The following GTF3C1 variants were observed in gnomAD, a reference collection of about 807,000 sequenced individuals.
The protein encoded by GTF3C1 is general transcription factor IIIC subunit 1.
A neutral mutation model predicts 226.7 loss-of-function variants in GTF3C1; 57 were observed. The ratio of observed to expected loss-of-function variants is 0.25; its 90% confidence interval spans 0.20 to 0.31. The LOEUF (loss-of-function observed/expected upper bound fraction) is 0.31. Ranked by LOEUF, GTF3C1 falls within the 10% of genes least tolerant of loss-of-function variation. The pLI is 1.00. For missense variants in GTF3C1, 2,217 were observed against 2,776.1 expected (o/e 0.80, Z 4.53); for synonymous variants, 1,090 against 1,084.8 (o/e 1.00, Z -0.09).
rs184662463 is a variant in GTF3C1 at position 27,548,018 on chromosome 16, T to C, written c.221+1652A>G. On this transcript the variant is annotated intron_variant, in intron 1 of 36. Coordinates refer to ENST00000356183, the MANE Select transcript of GTF3C1 (RefSeq NM_001520.4). ...TTCCCTTGCTAGTTGACTTTTAGCA[T>C]GCCACTTGACCCCTCAGGGCCTCGA... 4.6e-5 allele frequency among the ~76,000 whole-genome samples: 7 copies of C among 152,334 alleles called. 1 individual carries two copies. The highest frequency in any genetic ancestry group is 1.7e-4 in the African/African-American group (7 of 41,562).
At chr16:27,531,558 T>C (rs1401237539) in intron 5 of GTF3C1, among the ~76,000 whole-genome samples, 1 of 152,272 alleles carries the variant, frequency 6.6e-6, no homozygotes, top group Non-Finnish European at 1.5e-5. Flanking sequence ...GTGTGAGACC[T>C]GTCATCCTGG....
intron 6 of GTF3C1, among the ~76,000 whole-genome samples, chr16:27,520,882 C>A (rs1017785285): frequency 3.9e-5 from 6 of 152,200 alleles, no homozygotes; most frequent in African/African-American, 1.2e-4. Context: ...CCATGCCCAA[C>A]TAATTTTTGT....
chr16:27,497,610 A>T, intron 14 of GTF3C1, 27 bp downstream of exon 14: 1 of 1,577,530 alleles, frequency 6.3e-7, no homozygotes, highest in Non-Finnish European at 8.7e-7. Flanking sequence ...AAATGTAACT[A>T]AACACAGACA....
At chr16:27,478,733 A>G (rs1048762803) in intron 27 of GTF3C1, 1 of 590,276 alleles carries the variant, frequency 1.7e-6, no homozygotes, top group Non-Finnish European at 3.0e-6. Flanking sequence ...AGGGCTGAGA[A>G]AATGTGCAAT....
chr16:27,518,496 T>C (rs889946960), intron 6 of GTF3C1, among the ~76,000 whole-genome samples: 2 of 152,258 alleles, frequency 1.3e-5, no homozygotes, highest in African/African-American at 2.4e-5. Flanking sequence ...GCTCTGTAGA[T>C]GTTTGCTACT....
At chr16:27,497,302 GA>G (rs1567398388) in intron 14 of GTF3C1, among the ~76,000 whole-genome samples, 1 of 152,190 alleles carries the variant, frequency 6.6e-6, no homozygotes, top group African/African-American at 2.4e-5. Context: ...GTTGGGACAG[GA>G]AGAAATTTTC....
At position 27,511,769 on chromosome 16, in the gene GTF3C1, A is replaced by T. The variant is rs756855910; in HGVS notation, c.1106T>A (p.Leu369His). Residue 369 changes from leucine (L) to histidine (H), a missense_variant, in exon 7 of 37, where the codon CTC becomes CAC. Transcript: ENST00000356183. ...CTTACTGAGGTCGTAGGTCTGTGTG[A>T]GCATATCCCGCTCGAACACAATGTC... ...PVDIVFERDMLTQTYDLIERR... is the reference protein window; with the variant it reads ...PVDIVFERDMHTQTYDLIERR... 1 of 1,614,074 alleles carries T rather than the reference A, an allele frequency of 6.2e-7. No homozygotes were observed. Among genetic ancestry groups the T allele is most frequent in the Non-Finnish European group, 8.5e-7 (1 of 1,180,040 alleles).
chr16:27,498,016 G>T (rs927514752), intron 13 of GTF3C1, among the ~76,000 whole-genome samples, 195 bp from the exon 14 acceptor site: 3 of 152,158 alleles, frequency 2.0e-5, no homozygotes, highest in African/African-American at 4.8e-5. Flanking sequence ...GGATTGTGGG[G>T]CCCTGAAGAG....
chr16:27,540,610 C>T (rs1338693208), intron 2 of GTF3C1, among the ~76,000 whole-genome samples: 2 of 152,138 alleles, frequency 1.3e-5, no homozygotes, highest in Admixed American at 1.3e-4. Flanking sequence ...GCAAAGTACA[C>T]CAGGATACCA....
In GTF3C1 at chr16:27,507,279, G is replaced by A. The variant is rs1371877947; in HGVS notation, c.1243-123C>T. On this transcript the variant is annotated intron_variant, in intron 8 of 36. Coordinates refer to ENST00000356183, the MANE Select transcript of GTF3C1 (RefSeq NM_001520.4). This position sits in a 1 kb window ranked among gnomAD's most constrained non-coding sequence, Gnocchi z 4.9. Reference sequence around the variant, plus strand: ...TCTGTTTCTCCTGTCTTACTGCCTGGGCCCTGGGTTGGGCACCACTGATGC... The same window carrying A: ...TCTGTTTCTCCTGTCTTACTGCCTGAGCCCTGGGTTGGGCACCACTGATGC... 2 of 747,372 alleles carry A rather than the reference G, an allele frequency of 2.7e-6. No individual in the cohort carries two copies. The highest frequency in any genetic ancestry group is 4.3e-6 in the Non-Finnish European group (2 of 461,686). The allele number at this position is 747,372 out of a possible 1,614,324, so 46.3% of individuals were successfully genotyped here.
chr16:27,495,650 G>C (rs1219377802), intron 14 of GTF3C1, among the ~76,000 whole-genome samples, 158 bp from the exon 15 acceptor site: 1 of 152,218 alleles, frequency 6.6e-6, no homozygotes, highest in Non-Finnish European at 1.5e-5. Flanking sequence ...GGCAAGAACG[G>C]ATAATAAAAT....
At chr16:27,533,943 T>C (rs961388286) in intron 4 of GTF3C1, among the ~76,000 whole-genome samples, 2 of 152,008 alleles carry the variant, frequency 1.3e-5, no homozygotes, top group African/African-American at 4.8e-5. Flanking sequence ...GAGGTGGAGG[T>C]TGCAGTGAGC....
intron 32 of GTF3C1, among the ~76,000 whole-genome samples, chr16:27,466,574 G>A (rs970502258): frequency 3.3e-5 from 5 of 152,180 alleles, no homozygotes; most frequent in Non-Finnish European, 5.9e-5. Context: ...TCAAGTGAAA[G>A]GAAGAGTTGG....
chr16:27,502,414 A>G (rs1309248074), intron 11 of GTF3C1, among the ~76,000 whole-genome samples: 1 of 152,182 alleles, frequency 6.6e-6, no homozygotes, highest in Non-Finnish European at 1.5e-5. Flanking sequence ...CAAACAGAGA[A>G]GCTCTACTTG....
At chr16:27,530,284 A>G (rs2088896682) in intron 5 of GTF3C1, among the ~76,000 whole-genome samples, 2 of 152,316 alleles carry the variant, frequency 1.3e-5, no homozygotes, top group East Asian at 1.9e-4. Flanking sequence ...ACTGGCTTGT[A>G]CATGGCATTT....
chr16:27,512,231 G>T (rs774712675), intron 6 of GTF3C1, among the ~76,000 whole-genome samples: 7 of 152,130 alleles, frequency 4.6e-5, no homozygotes, highest in Non-Finnish European at 1.0e-4. Context: ...CAGGAGACGC[G>T]CCTGTCTCTT....
intron 32 of GTF3C1, among the ~76,000 whole-genome samples, chr16:27,467,879 AAAAG>A (rs1464523027): frequency 3.9e-4 from 59 of 152,262 alleles, no homozygotes; most frequent in African/African-American, 1.4e-3. Context: ...TCAAAGAAAA[AAAAG>A]AAAGAAATAC....
At chr16:27,519,628 G>A (rs1290932842) in intron 6 of GTF3C1, among the ~76,000 whole-genome samples, 4 of 152,162 alleles carry the variant, frequency 2.6e-5, no homozygotes, top group African/African-American at 9.7e-5. Flanking sequence ...GCCCAGCTCT[G>A]TGACCTTGGG....
chr16:27,517,075 C>T (rs890515654), intron 6 of GTF3C1, among the ~76,000 whole-genome samples: 2 of 152,206 alleles, frequency 1.3e-5, no homozygotes, highest in African/African-American at 4.8e-5. Flanking sequence ...TGACCTCCCT[C>T]AGCCTCAAGT....
Sources: gnomAD v4.1 joint callset for allele counts (sites outside exome capture counted in the v4.1 genomes callset) on GRCh38, gnomAD v4.1.1 for gene constraint, Gnocchi (gnomAD v3.1) non-coding constraint, MANE v1.5 for transcripts, NCBI Gene and HGNC (gene_info 2026-07-23, HGNC 2026-07-21) for gene names.